DGKB: variants seen among roughly 807,000 people sequenced by gnomAD.
The protein encoded by DGKB is 90 kDa diacylglycerol kinase.
Under a neutral mutation model 114.3 loss-of-function variants are expected in DGKB, and 67 were observed. The observed-to-expected ratio is 0.59, with a 90% CI of 0.48 to 0.72. The LOEUF (loss-of-function observed/expected upper bound fraction) is 0.72, where lower values mean the gene tolerates loss of function less well. DGKB is among the 30% of genes least tolerant of loss of function. The pLI is 0.00. For missense variants in DGKB, 907 were observed against 975.2 expected, an observed-to-expected ratio of 0.93 and a Z score of 0.93; for synonymous variants, 398 against 323.1, an observed-to-expected ratio of 1.23 and a Z score of -2.49.
chr7:14,746,066 G>A (rs1285025986), intron 4 of DGKB, among the ~76,000 whole-genome samples: 2 of 152,088 alleles, frequency 1.3e-5, no homozygotes, highest in Non-Finnish European at 2.9e-5. Flanking sequence ...ATTCATTCAG[G>A]CTGGGCATGC....
chr7:14,921,865 A>G (rs574983600), intron 1 of DGKB, among the ~76,000 whole-genome samples: 11 of 152,202 alleles, frequency 7.2e-5, no homozygotes, highest in Non-Finnish European at 1.6e-4. Context: ...TTAAATCTAC[A>G]TTTTAAAACA....
rs180699109 is a variant in DGKB at position 14,965,961 on chromosome 7, C to T, written c.-188+8735G>A. Among the ~76,000 whole-genome samples the T allele has an allele frequency of 2.3e-3, 356 of 152,128 alleles. 2 individuals are homozygous for T. The highest frequency in any genetic ancestry group is 7.9e-3 in the African/African-American group (328 of 41,526). On this transcript the variant is annotated intron_variant, in intron 1 of 4. Transcript: ENST00000437998. ...TCTGTCAAAAAAAACTATATCCTCCCAAATCTGATACCCTGGTTGGAGATT... is the reference window on the plus strand; with the variant it reads ...TCTGTCAAAAAAAACTATATCCTCCTAAATCTGATACCCTGGTTGGAGATT...
Position 14,757,678 on chromosome 7 carries a change from G to T in DGKB, c.124C>A (p.Leu42Ile). 6.2e-7 allele frequency: 1 copy of T among 1,603,328 alleles called. No homozygotes were observed. Among genetic ancestry groups the T allele is most frequent in the Non-Finnish European group, 8.5e-7 (1 of 1,172,100 alleles). ...VLEEFHGNGVLAKYNPEGKQD... is the reference protein window; with the variant it reads ...VLEEFHGNGVIAKYNPEGKQD... Reference sequence around the variant, plus strand: ...ACCCCTTCAGGATTATACTTTGCAAGCACACCATTACCATGGAATTCTTCA... The same window carrying T: ...ACCCCTTCAGGATTATACTTTGCAATCACACCATTACCATGGAATTCTTCA... The change falls in exon 3 of 26, where the codon CTT becomes ATT. Residue 42 changes from leucine (L) to isoleucine (I), a missense_variant. Physicochemically the swap from Leu to Ile is conservative, Grantham distance 5 (BLOSUM62 2). Around this residue, in one of 3 missense-constraint regions of DGKB, gnomAD observed 814 missense variants for 856.6 expected, o/e 0.95. Transcript: ENST00000402815.
At chr7:14,159,653 G>A (rs572994438) in intron 25 of DGKB, among the ~76,000 whole-genome samples, 1 of 152,132 alleles carries the variant, frequency 6.6e-6, no homozygotes, top group Admixed American at 6.6e-5. Flanking sequence ...TTTGCTGAAA[G>A]AATGAATAAA....
At chr7:14,220,040 C>T (rs1789668519) in intron 23 of DGKB, among the ~76,000 whole-genome samples, 1 of 151,590 alleles carries the variant, frequency 6.6e-6, no homozygotes, top group African/African-American at 2.4e-5. Context: ...AGTGCACTTA[C>T]ACAAATATAG....
At chr7:14,386,117 A>G (rs1429841772) in intron 21 of DGKB, among the ~76,000 whole-genome samples, 1 of 152,226 alleles carries the variant, frequency 6.6e-6, no homozygotes, top group Non-Finnish European at 1.5e-5. Flanking sequence ...TTGAAAAGAT[A>G]ATTTCACATG....
chr7:14,889,908 T>C (rs1780919286), intron 1 of DGKB, among the ~76,000 whole-genome samples: 1 of 151,556 alleles, frequency 6.6e-6, no homozygotes, highest in Non-Finnish European at 1.5e-5. Context: ...CAATTATTTT[T>C]CTGATTGGCC....
At chr7:14,699,709 GAA>G (rs1281439325) in intron 7 of DGKB, among the ~76,000 whole-genome samples, 1 of 152,076 alleles carries the variant, frequency 6.6e-6, no homozygotes, top group Non-Finnish European at 1.5e-5. Flanking sequence ...GACAGCGAAG[GAA>G]AAATATTGGA....
chr7:14,265,555 C>T (rs1249228251), intron 23 of DGKB, among the ~76,000 whole-genome samples: 1 of 151,894 alleles, frequency 6.6e-6, no homozygotes, highest in African/African-American at 2.4e-5. Flanking sequence ...AAAACCTTTA[C>T]CCACTTCTCT....
chr7:14,577,937 A>G (rs1313077832), intron 19 of DGKB, among the ~76,000 whole-genome samples: 1 of 152,210 alleles, frequency 6.6e-6, no homozygotes, highest in Non-Finnish European at 1.5e-5. Flanking sequence ...TGCATAAAGT[A>G]CTTAACACAA....
At chr7:14,280,637 G>C (rs552631471) in intron 23 of DGKB, among the ~76,000 whole-genome samples, 420 of 151,564 alleles carry the variant, frequency 2.8e-3, no homozygotes, top group African/African-American at 9.8e-3. Flanking sequence ...TCAAAGGGAA[G>C]CCCATCAGAC....
rs371143551 is a variant in DGKB at position 14,326,896 on chromosome 7, C to T, written c.2122+11619G>A. ...TGTCCCCATTAACCAATTAAGTACA[C>T]ATGCAAACACACACATGCACACACA... On this transcript the variant is annotated intron_variant, in intron 23 of 25. Coordinates refer to ENST00000402815, the MANE Select transcript of DGKB (RefSeq NM_001350709.2). Among the ~76,000 whole-genome samples, 9 of 152,190 alleles carry T rather than the reference C, an allele frequency of 5.9e-5. No homozygotes were observed. The East Asian group carries it at 1.4e-3, about 23-fold the overall frequency.
At chr7:14,501,271 G>T (rs540338385) in intron 20 of DGKB, among the ~76,000 whole-genome samples, 2 of 151,794 alleles carry the variant, frequency 1.3e-5, no homozygotes, top group Non-Finnish European at 2.9e-5. Flanking sequence ...CTTTATAGAC[G>T]GATTCAATTA....
At chr7:14,360,262 A>G (rs1232942475) in intron 21 of DGKB, among the ~76,000 whole-genome samples, 1 of 151,988 alleles carries the variant, frequency 6.6e-6, no homozygotes, top group African/African-American at 2.4e-5. Context: ...GAATTGAACA[A>G]TGAGAACACT....
intron 23 of DGKB, among the ~76,000 whole-genome samples, chr7:14,327,036 G>C (rs1808863726): frequency 6.6e-6 from 1 of 152,010 alleles, no homozygotes; most frequent in Non-Finnish European, 1.5e-5. Flanking sequence ...GTGTTTTTTA[G>C]TTTAATTCAA....
intron 6 of DGKB, among the ~76,000 whole-genome samples, chr7:14,702,691 T>A (rs370739388): frequency 7.2e-5 from 11 of 152,140 alleles, no homozygotes; most frequent in Non-Finnish European, 1.3e-4. Flanking sequence ...TCCTGAATGA[T>A]CTTGATGTCT....
intron 17 of DGKB, among the ~76,000 whole-genome samples, chr7:14,605,052 T>A (rs796114048): frequency 2.0e-5 from 3 of 152,240 alleles, no homozygotes; most frequent in African/African-American, 7.2e-5. Flanking sequence ...TCATAGCCAC[T>A]GATACCATAA....
intron 20 of DGKB, among the ~76,000 whole-genome samples, chr7:14,508,620 C>A (rs1048922593): frequency 6.6e-6 from 1 of 152,178 alleles, no homozygotes; most frequent in Non-Finnish European, 1.5e-5. Context: ...AGAATCTCTA[C>A]ACCTTACTTT....
intron 23 of DGKB, among the ~76,000 whole-genome samples, chr7:14,256,281 G>C (rs1356534156): frequency 1.3e-5 from 2 of 151,566 alleles, no homozygotes; most frequent in Non-Finnish European, 2.9e-5. Context: ...CTTCTTTCCT[G>C]GGACTTCTTT....
Sources: gnomAD v4.1 joint callset for allele counts (sites outside exome capture counted in the v4.1 genomes callset) on GRCh38, gnomAD v4.1.1 for gene constraint, gnomAD v4.1.1 regional missense constraint, MANE v1.5 for transcripts, NCBI Gene and HGNC (gene_info 2026-07-23, HGNC 2026-07-21) for gene names.